The following CNTN5 variants were observed in gnomAD, a reference collection of about 807,000 sequenced individuals.
CNTN5 encodes the protein contactin 5.
CNTN5 carries 77 observed loss-of-function variants against 129.1 expected under a neutral mutation model. The ratio of observed to expected loss-of-function variants is 0.60; its 90% CI spans 0.50 to 0.72. The LOEUF (loss-of-function observed/expected upper bound fraction) is 0.72, where lower values mean the gene tolerates loss of function less well. Ranked by LOEUF, CNTN5 falls within the 30% of genes least tolerant of loss-of-function variation. CNTN5 has a pLI of 0.00. For missense variants in CNTN5, 1,478 were observed against 1,328.8 expected (o/e 1.11, Z -1.75); for synonymous variants, 509 against 465.6 (o/e 1.09, Z -1.20).
At chr11:99,286,354 C>G (rs1166317249) in intron 1 of CNTN5, among the ~76,000 whole-genome samples, 1 of 152,120 alleles carries the variant, frequency 6.6e-6, no homozygotes. Context: ...GGAAGTAAAA[C>G]CTACAGAAAT....
At chr11:100,071,535 G>T (rs1943923909) in intron 11 of CNTN5, among the ~76,000 whole-genome samples, 170 bp from the exon 12 acceptor site, 1 of 152,088 alleles carries the variant, frequency 6.6e-6, no homozygotes, top group Non-Finnish European at 1.5e-5. Context: ...TAATTTACAA[G>T]TGGCATGTTA....
At chr11:99,428,380 T>C (rs1174678311) in intron 2 of CNTN5, among the ~76,000 whole-genome samples, 1 of 151,704 alleles carries the variant, frequency 6.6e-6, no homozygotes, top group Non-Finnish European at 1.5e-5. Flanking sequence ...GGCAATATGG[T>C]GAAACCTCAT....
At chr11:100,051,620 G>A (rs1942959640) in intron 9 of CNTN5, among the ~76,000 whole-genome samples, 1 of 151,820 alleles carries the variant, frequency 6.6e-6, no homozygotes, top group Non-Finnish European at 1.5e-5. Context: ...AGATTAAGTA[G>A]TAGATATCAG....
chr11:100,079,077 A>T (rs1420206816), intron 13 of CNTN5, among the ~76,000 whole-genome samples: 1 of 151,980 alleles, frequency 6.6e-6, no homozygotes, highest in Non-Finnish European at 1.5e-5. Context: ...CAGATCTATG[A>T]GAACTCATTC....
chr11:99,043,029 G>T (rs1002817039), intron 1 of CNTN5, among the ~76,000 whole-genome samples: 6 of 152,152 alleles, frequency 3.9e-5, no homozygotes, highest in Middle Eastern at 3.4e-3. Flanking sequence ...CCTGGACCTT[G>T]GATTAATTCT....
chr11:99,544,394 T>TCAAACTCATGTAAA (rs1555022450), intron 2 of CNTN5, among the ~76,000 whole-genome samples: 2 of 151,684 alleles, frequency 1.3e-5, no homozygotes, highest in African/African-American at 4.9e-5. Context: ...ACATTTAAAC[T>TCAAACTCATGTAAA]CATGTAAATT....
At chr11:99,277,578 T>C (rs1340224351) in intron 1 of CNTN5, among the ~76,000 whole-genome samples, 3 of 151,710 alleles carry the variant, frequency 2.0e-5, no homozygotes, top group African/African-American at 7.2e-5. Flanking sequence ...TTGTAGTTCA[T>C]GGCAAGAAGA....
At chr11:99,430,929 A>T (rs1272585690) in intron 2 of CNTN5, among the ~76,000 whole-genome samples, 1 of 151,738 alleles carries the variant, frequency 6.6e-6, no homozygotes, top group African/African-American at 2.4e-5. Context: ...GGTTAGTAAA[A>T]GGTGGCCTTG....
At chr11:99,619,218 C>A (rs1173644264) in intron 3 of CNTN5, among the ~76,000 whole-genome samples, 2 of 151,954 alleles carry the variant, frequency 1.3e-5, no homozygotes, top group Non-Finnish European at 2.9e-5. Context: ...TAGATTTTAA[C>A]AATGTTATTT....
intron 3 of CNTN5, among the ~76,000 whole-genome samples, chr11:99,748,137 A>G (rs917303233): frequency 6.6e-6 from 1 of 152,084 alleles, no homozygotes; most frequent in African/African-American, 2.4e-5. Context: ...GGATTTTTGC[A>G]TCTGAATTTT....
rs149362368 is a variant in CNTN5, at chr11:99,588,343, CA to C, written c.55+32098del. ...TGGGCGACAGAGCAAGACTCCTTCTCAAAAAAAAAAAAAAAAAAAAAAAAGA... is the reference window on the plus strand; with the variant it reads ...TGGGCGACAGAGCAAGACTCCTTCTCAAAAAAAAAAAAAAAAAAAAAAAGA... On this transcript the variant is annotated intron_variant, in intron 3 of 24. Coordinates refer to ENST00000524871, the MANE Select transcript of CNTN5 (RefSeq NM_014361.4). Among the ~76,000 whole-genome samples the C allele has an allele frequency of 1.1e-3, 102 of 93,006 alleles. 1 individual carries two copies. The highest frequency in any genetic ancestry group is 2.8e-3 in the African/African-American group (68 of 24,400). The allele number at this position is 93,006 out of a possible 152,430, so 61.0% of individuals were successfully genotyped here. A position where few individuals can be genotyped will look rare whatever the true frequency, so the allele number is the denominator to read the frequency against.
intron 2 of CNTN5, among the ~76,000 whole-genome samples, chr11:99,508,946 G>C (rs1946732547): frequency 6.6e-6 from 1 of 152,052 alleles, no homozygotes; most frequent in African/African-American, 2.4e-5. Context: ...CTCCCAAAGT[G>C]CTGGGATTAC....
chr11:100,314,859 A>G (rs1285286331), intron 21 of CNTN5, among the ~76,000 whole-genome samples: 3 of 152,126 alleles, frequency 2.0e-5, no homozygotes, highest in South Asian at 4.1e-4. Context: ...GTCAAATTTC[A>G]TCTCACATTT....
At chr11:100,352,790 A>C (rs1952446076) in intron 24 of CNTN5, among the ~76,000 whole-genome samples, 1 of 151,752 alleles carries the variant, frequency 6.6e-6, no homozygotes, top group African/African-American at 2.4e-5. Context: ...ATTATTTCAC[A>C]ATTGAACTGT....
chr11:99,755,585 T>G (rs775415709), intron 3 of CNTN5, among the ~76,000 whole-genome samples: 4 of 152,194 alleles, frequency 2.6e-5, no homozygotes, highest in Non-Finnish European at 4.4e-5. Context: ...TATTAACATT[T>G]AAATGTTCTT....
intron 10 of CNTN5, among the ~76,000 whole-genome samples, chr11:100,063,828 G>A (rs75535374): frequency 0.1 from 15,270 of 152,020 alleles, 886 homozygotes; most frequent in East Asian, 0.18. Flanking sequence ...TCAACGCTGC[G>A]GTGAACCATT....
At chr11:100,187,102 A>G (rs1250650169) in intron 13 of CNTN5, among the ~76,000 whole-genome samples, 1 of 151,978 alleles carries the variant, frequency 6.6e-6, no homozygotes, top group Non-Finnish European at 1.5e-5. Context: ...CCTTATAGAG[A>G]TCTGTCACCT....
chr11:99,508,590 G>A (rs79146099), intron 2 of CNTN5, among the ~76,000 whole-genome samples: 8,859 of 152,188 alleles, frequency 0.058, 270 homozygotes, highest in South Asian at 0.079. Context: ...ACTGCAATTA[G>A]CTGTATATAA....
rs577675617 is a variant in CNTN5 at position 99,525,747 on chromosome 11, C to T, written c.-70-30398C>T. ...AATAGCCAGGCAGAGAGCCAATAAT[C>T]AATAGAGTCTTGAGCGTGAATTTCT... On this transcript the variant is annotated intron_variant, in intron 2 of 24. Coordinates refer to ENST00000524871, the MANE Select transcript of CNTN5 (RefSeq NM_014361.4). Among the ~76,000 whole-genome samples the T allele has an allele frequency of 7.9e-5, 12 of 152,284 alleles. No homozygotes were observed. The South Asian group carries it at 2.5e-3, about 32-fold the overall frequency.
Sources: gnomAD v4.1 joint callset for allele counts (sites outside exome capture counted in the v4.1 genomes callset) on GRCh38, gnomAD v4.1.1 for gene constraint, MANE v1.5 for transcripts, NCBI Gene and HGNC (gene_info 2026-07-23, HGNC 2026-07-21) for gene names.